Variants in LPAR3 observed in about 807,000 individuals in gnomAD.
The protein encoded by LPAR3 is LPA receptor 3.
A neutral mutation model predicts 17.8 loss-of-function variants in LPAR3; 7 were observed. The observed-to-expected ratio is 0.39, with a 90% confidence interval of 0.22 to 0.74. The LOEUF is 0.74. Ranked by LOEUF, LPAR3 falls within the 30% of genes least tolerant of loss-of-function variation. The pLI is 0.40. For missense variants in LPAR3, 391 were observed against 453.4 expected (o/e 0.86, Z 1.25); for synonymous variants, 179 against 179.9 (o/e 0.99, Z 0.04).
intron 1 of LPAR3, among the ~76,000 whole-genome samples, chr1:84,877,141 A>G (rs909685014): frequency 2.0e-5 from 3 of 152,238 alleles, no homozygotes; most frequent in African/African-American, 7.2e-5. Context: ...GAATTTAGAC[A>G]CTACAGAGAA....
At chr1:84,860,734 A>AT (rs35354113) in intron 2 of LPAR3, among the ~76,000 whole-genome samples, 1,313 of 113,524 alleles carry the variant, frequency 0.012, 12 homozygotes, top group Non-Finnish European at 0.015. Context: ...TTAGGATTTA[A>AT]TTTTTTTTTT....
rs774761348 is a variant in LPAR3, at chr1:84,873,754, G to GTTT, written c.-18-7619_-18-7617dup. Reference sequence around the variant, plus strand: ...ACAGTTTTTTTTGTTTGTTTTGCTTGTTTGTTTTTTTTTTTTGAGACGAGT... The same window carrying GTTT: ...ACAGTTTTTTTTGTTTGTTTTGCTTGTTTTTTGTTTTTTTTTTTTGAGACGAGT... On this transcript the variant is annotated intron_variant, in intron 1 of 2. Transcript: ENST00000370611. Among the ~76,000 whole-genome samples, 229 of 137,544 alleles carry GTTT rather than the reference G, an allele frequency of 1.7e-3. 2 individuals carry two copies. Among genetic ancestry groups the GTTT allele is most frequent in the East Asian group, 0.013 (68 of 5,144 alleles). 90.2% of individuals were successfully genotyped at this position (137,544 alleles called of 152,430 possible). A position where few individuals can be genotyped will look rare whatever the true frequency, so the allele number is the denominator to read the frequency against.
chr1:84,836,101 C>T (rs1659399781), intron 2 of LPAR3, among the ~76,000 whole-genome samples: 1 of 132,068 alleles, frequency 7.6e-6, no homozygotes, highest in Non-Finnish European at 1.6e-5. Flanking sequence ...CTTTGGGAGG[C>T]CAAGGCGGGC....
intron 1 of LPAR3, among the ~76,000 whole-genome samples, chr1:84,875,850 T>C (rs1411065806): frequency 6.6e-6 from 1 of 152,182 alleles, no homozygotes; most frequent in Non-Finnish European, 1.5e-5. Flanking sequence ...TTGAGAAGGA[T>C]AGTCAGGAGT....
At chr1:84,859,433 C>T (rs56377436) in intron 2 of LPAR3, among the ~76,000 whole-genome samples, 7,672 of 152,208 alleles carry the variant, frequency 0.05, 325 homozygotes, top group African/African-American at 0.11. Flanking sequence ...CCCTTAACAA[C>T]GATAATGTTT....
At chr1:84,823,615 G>A (rs1194575552) in intron 2 of LPAR3, among the ~76,000 whole-genome samples, 1 of 152,094 alleles carries the variant, frequency 6.6e-6, no homozygotes, top group African/African-American at 2.4e-5. Flanking sequence ...GGCAATAAAA[G>A]ATAAAATTTA....
chr1:84,833,628 C>G (rs1326024349), intron 2 of LPAR3, among the ~76,000 whole-genome samples: 1 of 152,192 alleles, frequency 6.6e-6, no homozygotes, highest in Non-Finnish European at 1.5e-5. Flanking sequence ...TAGAGCCAGA[C>G]CGCTGGATTC....
chr1:84,864,926 A>G (rs900757416), intron 2 of LPAR3, among the ~76,000 whole-genome samples: 1 of 152,038 alleles, frequency 6.6e-6, no homozygotes, highest in African/African-American at 2.4e-5. Context: ...CCATGCAGCC[A>G]TAGTGGCTTC....
chr1:84,849,372 C>CAAAAAA (rs34239236), intron 2 of LPAR3, among the ~76,000 whole-genome samples: 11 of 77,350 alleles, frequency 1.4e-4, no homozygotes, highest in East Asian at 4.1e-4. Context: ...AGACTCATCT[C>CAAAAAA]AAAAAAAAAA....
chr1:84,873,623 G>A (rs1207706980), intron 1 of LPAR3, among the ~76,000 whole-genome samples: 2 of 152,094 alleles, frequency 1.3e-5, no homozygotes, highest in Non-Finnish European at 2.9e-5. Context: ...TTAAGGGTAG[G>A]GTTACAATTC....
In LPAR3 at chr1:84,838,400, C is replaced by T. The variant is rs1241557744; in HGVS notation, c.737-24229G>A. On this transcript the variant is annotated intron_variant, in intron 2 of 2. Transcript: ENST00000370611. ...ACTGCGCTCATATATGGGCTACATG[C>T]TTTGAGTTACAGTGAACAGTATCAC... Among the ~76,000 whole-genome samples, 4 of 152,200 alleles carry T rather than the reference C, an allele frequency of 2.6e-5. No homozygotes were observed. In the East Asian group the frequency reaches 7.7e-4, roughly 29 times the overall value.
At chr1:84,866,234 T>C in intron 1 of LPAR3, 96 bp from the exon 2 acceptor site, 1 of 927,550 alleles carries the variant, frequency 1.1e-6, no homozygotes, top group Non-Finnish European at 1.7e-6. Context: ...CTAACTCCCA[T>C]CAAGGGAGTT....
At chr1:84,860,231 G>T (rs1385741907) in intron 2 of LPAR3, among the ~76,000 whole-genome samples, 1 of 152,098 alleles carries the variant, frequency 6.6e-6, no homozygotes, top group Admixed American at 6.5e-5. Flanking sequence ...TACCCTCAAG[G>T]AAAGAGTCTG....
At chr1:84,859,277 C>T (rs907484848) in intron 2 of LPAR3, among the ~76,000 whole-genome samples, 2 of 152,124 alleles carry the variant, frequency 1.3e-5, no homozygotes, top group Non-Finnish European at 1.5e-5. Flanking sequence ...GCTATCGTTT[C>T]GTTGCTTACT....
intron 2 of LPAR3, among the ~76,000 whole-genome samples, chr1:84,825,117 T>TA (rs1659131838): frequency 6.6e-6 from 1 of 152,202 alleles, no homozygotes; most frequent in South Asian, 2.1e-4. Flanking sequence ...TGTCTGCTGT[T>TA]ACATTTGATG....
intron 2 of LPAR3, among the ~76,000 whole-genome samples, chr1:84,831,036 ATTACT>A (rs1194153440): frequency 6.6e-6 from 1 of 152,182 alleles, no homozygotes; most frequent in Non-Finnish European, 1.5e-5. Context: ...TATATAGTTG[ATTACT>A]TTATAGGCAA....
At chr1:84,880,203 G>A (rs1287143131) in intron 1 of LPAR3, among the ~76,000 whole-genome samples, 1 of 152,220 alleles carries the variant, frequency 6.6e-6, no homozygotes, top group African/African-American at 2.4e-5. Flanking sequence ...GGTGGCACAT[G>A]CCTGTAATGC....
Position 84,813,698 on chromosome 1 carries a change from C to A in LPAR3, c.*148G>T. The stretch of plus-strand genomic sequence containing the variant: ...TCTCTTTACTGCCCATGCTTTTAAA[C>A]TATGAAAAAAAATTTTTTAAAGAAA... On this transcript the variant is annotated 3_prime_UTR_variant, in exon 3 of 3. Coordinates refer to ENST00000370611, the MANE Select transcript of LPAR3 (RefSeq NM_012152.3). 1 of 655,550 alleles carries A rather than the reference C, an allele frequency of 1.5e-6. No homozygotes were observed. Among genetic ancestry groups the A allele is most frequent in the Non-Finnish European group, 2.6e-6 (1 of 391,188 alleles). The allele number at this position is 655,550 out of a possible 1,614,324, so 40.6% of individuals were successfully genotyped here.
chr1:84,872,805 C>T (rs1434543822), intron 1 of LPAR3, among the ~76,000 whole-genome samples: 2 of 152,132 alleles, frequency 1.3e-5, no homozygotes, highest in African/African-American at 4.8e-5. Flanking sequence ...GACGTCTCAG[C>T]AGAGAAACTT....
Sources: gnomAD v4.1 joint callset for allele counts (sites outside exome capture counted in the v4.1 genomes callset) on GRCh38, gnomAD v4.1.1 for gene constraint, MANE v1.5 for transcripts, NCBI Gene and HGNC (gene_info 2026-07-23, HGNC 2026-07-21) for gene names.